The following SNAP47 variants were observed in gnomAD, a reference collection of about 807,000 sequenced individuals.
SNAP47 encodes synaptosome associated protein 47.
In SNAP47, 20 loss-of-function variants were observed where a neutral mutation model predicts 31.4. The observed-to-expected ratio is 0.64, with a 90% CI of 0.45 to 0.93. The LOEUF (loss-of-function observed/expected upper bound fraction) is 0.93, where lower values mean the gene tolerates loss of function less well. SNAP47 is among the 40% of genes least tolerant of loss of function. The pLI is 0.00. For missense variants in SNAP47, 492 were observed against 528.5 expected, an observed-to-expected ratio of 0.93 and a Z score of 0.68; for synonymous variants, 194 against 213.4, an observed-to-expected ratio of 0.91 and a Z score of 0.79.
intron 1 of SNAP47, among the ~76,000 whole-genome samples, chr1:227,738,248 G>C (rs1393407461): frequency 3.9e-5 from 6 of 152,148 alleles, no homozygotes; most frequent in Admixed American, 3.9e-4. Context: ...CACCATGTTG[G>C]TCAGGCTGGT....
At chr1:227,732,754 C>T, upstream of SNAP47, 1 of 1,591,336 alleles carries the variant, frequency 6.3e-7, no homozygotes, top group Non-Finnish European at 8.5e-7. Context: ...TGCGCCCAGT[C>T]CCCAAGGACG....
chr1:227,744,790 T>C (rs138727659), intron 1 of SNAP47, among the ~76,000 whole-genome samples: 159 of 152,322 alleles, frequency 1.0e-3, no homozygotes, highest in African/African-American at 3.8e-3. Flanking sequence ...TGGGTGCTCC[T>C]GGGTGCTCCC....
intron 3 of SNAP47, among the ~76,000 whole-genome samples, chr1:227,761,076 C>T (rs1485157656): frequency 1.2e-4 from 19 of 152,178 alleles, no homozygotes; most frequent in African/African-American, 7.2e-5. Flanking sequence ...GTGACATGTA[C>T]GTCCACACTA....
In SNAP47 at chr1:227,741,863, A is replaced by G. The variant is rs1661627106; in HGVS notation, c.-45-5829A>G. ...TGGGAAAGAAGCCCTGGAAACCTGC[A>G]GTTGGAAAAGGGTGGCTACAAGTTT... is the stretch of plus-strand genomic sequence containing the variant. On this transcript the variant is annotated intron_variant, in intron 1 of 4. Coordinates refer to ENST00000617596, the MANE Select transcript of SNAP47 (RefSeq NM_053052.4). This position sits in a 1 kb window ranked among gnomAD's most constrained non-coding sequence, Gnocchi z 4.2. 6.6e-6 allele frequency among the ~76,000 whole-genome samples: 1 copy of G among 151,922 alleles called. No individual in the cohort carries two copies. The highest frequency in any genetic ancestry group is 1.5e-5 in the Non-Finnish European group (1 of 68,018).
chr1:227,761,176 C>T (rs755049185), intron 3 of SNAP47, among the ~76,000 whole-genome samples: 2 of 152,134 alleles, frequency 1.3e-5, no homozygotes, highest in African/African-American at 4.8e-5. Context: ...ATATTTGCTA[C>T]CCTTTCGGTT....
At chr1:227,760,842 A>C (rs771467143) in intron 3 of SNAP47, among the ~76,000 whole-genome samples, 3 of 152,248 alleles carry the variant, frequency 2.0e-5, no homozygotes, top group Non-Finnish European at 4.4e-5. Context: ...CTGGCTTTAG[A>C]GGCTATAGCC....
At chr1:227,748,722 C>T (rs987007026) in intron 2 of SNAP47, among the ~76,000 whole-genome samples, 1 of 152,010 alleles carries the variant, frequency 6.6e-6, no homozygotes, top group African/African-American at 2.4e-5. Flanking sequence ...TGGGGATGGG[C>T]CCTGGCCTCT....
In SNAP47 at chr1:227,762,080, A is replaced by C. The variant is rs989595365; in HGVS notation, c.988+2595A>C. Among the ~76,000 whole-genome samples the C allele has an allele frequency of 6.6e-6, 1 of 152,124 alleles. No individual in the cohort carries two copies. Among genetic ancestry groups the C allele is most frequent in the Middle Eastern group, 3.2e-3 (1 of 316 alleles). On this transcript the variant is annotated intron_variant, in intron 3 of 4. Coordinates refer to ENST00000617596, the MANE Select transcript of SNAP47 (RefSeq NM_053052.4). This position sits in a 1 kb window ranked among gnomAD's most constrained non-coding sequence, Gnocchi z 4.2. ...ACCGTCTTTTCACTTGCACAGCTGC[A>C]CCCGGCCCGTGGTGTTTTGAGTACC...
At chr1:227,732,373 T>C (rs1486384538), upstream of SNAP47, 4 of 1,608,474 alleles carry the variant, frequency 2.5e-6, no homozygotes, top group African/African-American at 4.0e-5. Context: ...CACCCGTCCT[T>C]CTATCCTCAC....
chr1:227,780,549 T>C lies in SNAP47; in HGVS notation c.1136T>C (p.Leu379Pro). Reference sequence around the variant, plus strand: ...CAGATCCTGAGGAGGATGAAGGGGCTGGCCCTGGAGGCCGAGAGTGAGCTG... The same window carrying C: ...CAGATCCTGAGGAGGATGAAGGGGCCGGCCCTGGAGGCCGAGAGTGAGCTG... ...LTQILRRMKGLALEAESELER... is the reference protein window; with the variant it reads ...LTQILRRMKGPALEAESELER... Residue 379 changes from leucine (L) to proline (P), a missense_variant, in exon 5 of 5, where the codon CTG becomes CCG. Physicochemically the swap from Leu to Pro is moderately conservative, Grantham distance 98. Transcript: ENST00000617596. The C allele has an allele frequency of 6.2e-7, 1 of 1,614,126 alleles. No individual in the cohort carries two copies. The highest frequency in any genetic ancestry group is 1.1e-5 in the South Asian group (1 of 91,092).
chr1:227,756,340 C>T (rs536881065), intron 2 of SNAP47, among the ~76,000 whole-genome samples: 10 of 152,264 alleles, frequency 6.6e-5, no homozygotes, highest in African/African-American at 2.4e-4. Flanking sequence ...CACATTGGAC[C>T]CCAGCCCAGA....
upstream of SNAP47, chr1:227,730,333 G>A (rs1234211816): frequency 6.6e-6 from 1 of 152,188 alleles, no homozygotes; most frequent in Non-Finnish European, 1.5e-5. Context: ...GCATACTTGG[G>A]AAAGGGGCAT....
upstream of SNAP47, chr1:227,734,149 C>T: frequency 8.2e-7 from 1 of 1,224,332 alleles, no homozygotes; most frequent in South Asian, 1.5e-5. Context: ...ATGGCTGCAG[C>T]CCCCAAAGAG....
intron 3 of SNAP47, among the ~76,000 whole-genome samples, chr1:227,765,680 G>A (rs1315093994): frequency 6.6e-6 from 1 of 152,168 alleles, no homozygotes; most frequent in African/African-American, 2.4e-5. Flanking sequence ...CTGTCCCGCT[G>A]GTGCTATCTG....
chr1:227,740,942 G>A (rs776758765), intron 1 of SNAP47, among the ~76,000 whole-genome samples: 14 of 148,604 alleles, frequency 9.4e-5, no homozygotes, highest in Non-Finnish European at 1.8e-4. Flanking sequence ...GGTGGGGGCA[G>A]ATGCCCAGCG....
intron 4 of SNAP47, among the ~76,000 whole-genome samples, chr1:227,771,067 C>G (rs140681101): frequency 2.6e-5 from 4 of 152,162 alleles, no homozygotes; most frequent in African/African-American, 9.7e-5. Flanking sequence ...ACCCACCCTC[C>G]GAGGCTAGCC....
intron 1 of SNAP47, among the ~76,000 whole-genome samples, chr1:227,738,445 C>T (rs76910708): frequency 0.14 from 21,443 of 152,160 alleles, 1,875 homozygotes; most frequent in East Asian, 0.22. Context: ...TTCTCTCCCC[C>T]CAGTCCTTGC....
At chr1:227,775,986 G>A (rs546131727) in intron 4 of SNAP47, 86 of 1,253,108 alleles carry the variant, frequency 6.9e-5, no homozygotes, top group Non-Finnish European at 7.4e-5. Context: ...CGGATGTGTT[G>A]GAGGAAAGTG....
At position 227,748,313 on chromosome 1, in the gene SNAP47, G is replaced by A; in HGVS notation, c.497+80G>A. 2.8e-6 allele frequency: 4 copies of A among 1,405,206 alleles called. No individual in the cohort carries two copies. In the South Asian group the frequency reaches 6.0e-5, roughly 21 times the overall value. 87.0% of individuals were successfully genotyped at this position (1,405,206 alleles called of 1,614,324 possible). A position where few individuals can be genotyped will look rare whatever the true frequency, so the allele number is the denominator to read the frequency against. ...TGGAGGCTCACAGGCACTGTTCCAG[G>A]CCACTGCACCATATTTGCACACATC... is the stretch of plus-strand genomic sequence containing the variant. On this transcript the variant is annotated intron_variant, in intron 2 of 4. Transcript: ENST00000617596.
Sources: gnomAD v4.1 joint callset for allele counts (sites outside exome capture counted in the v4.1 genomes callset) on GRCh38, gnomAD v4.1.1 for gene constraint, Gnocchi (gnomAD v3.1) non-coding constraint, MANE v1.5 for transcripts, NCBI Gene and HGNC (gene_info 2026-07-23, HGNC 2026-07-21) for gene names.